The following ASIC2 variants were observed in gnomAD, a reference collection of about 807,000 sequenced individuals.
ASIC2 encodes the protein acid sensing ion channel subunit 2, also known as acid-sensing ion channel 2.
Under a neutral mutation model 57.3 loss-of-function variants are expected in ASIC2, and 25 were observed. The observed-to-expected ratio is 0.44, with a 90% confidence interval of 0.32 to 0.61. The LOEUF (loss-of-function observed/expected upper bound fraction) is 0.61, where lower values mean the gene tolerates loss of function less well. Among genes scored for constraint, ASIC2 ranks in the 20% least tolerant of loss-of-function variants. The pLI is 0.06. For missense variants in ASIC2, 641 were observed against 738.1 expected, an observed-to-expected ratio of 0.87 and a Z score of 1.52; for synonymous variants, 319 against 307.5, an observed-to-expected ratio of 1.04 and a Z score of -0.39.
chr17:33,858,706 T>C (rs1019911129), intron 1 of ASIC2, among the ~76,000 whole-genome samples: 10 of 152,206 alleles, frequency 6.6e-5, no homozygotes, highest in African/African-American at 2.4e-4. Context: ...GCTCTGCACC[T>C]GAGACCTTTG....
rs141509721 is a variant in ASIC2, at chr17:34,138,710, G to GA, written c.555+17267dup. On this transcript the variant is annotated intron_variant, in intron 1 of 9. Coordinates refer to the ASIC2 transcript ENST00000359872. ...CCACCATGGGATATCACGGGATCCA[G>GA]AGGAGTCTAGTTGCCTTGACTACGG... 9.0e-3 allele frequency among the ~76,000 whole-genome samples: 1,371 copies of GA among 152,324 alleles called. 18 individuals carry two copies. Among genetic ancestry groups the GA allele is most frequent in the African/African-American group, 0.032 (1,310 of 41,564 alleles).
intron 9 of ASIC2, 61 bp from the exon 10 acceptor site, chr17:33,014,127 A>C: frequency 7.4e-7 from 1 of 1,350,190 alleles, no homozygotes; most frequent in African/African-American, 1.4e-5. Context: ...TCATGATGCC[A>C]CCAGCGGCCC....
Position 34,156,439 on chromosome 17 carries a change from T to C in ASIC2, c.94A>G (p.Ile32Val). 1 of 1,614,192 alleles carries C rather than the reference T, an allele frequency of 6.2e-7. No homozygotes were observed. Residue 32 changes from isoleucine (I) to valine (V), a missense_variant, in exon 1 of 10, where the codon ATC (isoleucine) becomes GTC (valine). Physicochemically the swap from Ile to Val is conservative, Grantham distance 29. Coordinates refer to the ASIC2 transcript ENST00000359872. This position sits in a 1 kb window ranked among gnomAD's most constrained non-coding sequence, Gnocchi z 4.4. ...ATGGTCAGCGGCCCATACACGAAGA[T>C]GTGGCGGATGCCATGGAGGGTGGAG...
intron 2 of ASIC2, among the ~76,000 whole-genome samples, chr17:33,110,086 C>T (rs971665506): frequency 2.0e-5 from 3 of 152,040 alleles, no homozygotes; most frequent in Non-Finnish European, 4.4e-5. Context: ...TGTGCTTTTG[C>T]TCCTGAATCA....
intron 1 of ASIC2, among the ~76,000 whole-genome samples, chr17:34,127,090 A>G (rs932423871): frequency 6.6e-6 from 1 of 152,254 alleles, no homozygotes; most frequent in African/African-American, 2.4e-5. Context: ...TGCATTTGGC[A>G]GAATCCACAG....
At chr17:33,762,932 T>A (rs1465422583) in intron 1 of ASIC2, among the ~76,000 whole-genome samples, 1 of 152,208 alleles carries the variant, frequency 6.6e-6, no homozygotes, top group Non-Finnish European at 1.5e-5. Flanking sequence ...TTTTCTGTCC[T>A]TCTTGTTGCT....
intron 1 of ASIC2, among the ~76,000 whole-genome samples, chr17:34,043,626 C>T (rs938163186): frequency 5.3e-5 from 8 of 152,236 alleles, no homozygotes; most frequent in Non-Finnish European, 1.0e-4. Flanking sequence ...AGAAAGTAGA[C>T]ATTCAGCAAA....
At chr17:33,484,001 G>A (rs1276005948) in intron 1 of ASIC2, among the ~76,000 whole-genome samples, 2 of 152,130 alleles carry the variant, frequency 1.3e-5, no homozygotes, top group Non-Finnish European at 2.9e-5. Flanking sequence ...TGAGAGACAG[G>A]AGTGATGAGC....
intron 1 of ASIC2, among the ~76,000 whole-genome samples, chr17:34,102,430 T>C (rs75344434): frequency 2.6e-5 from 4 of 152,186 alleles, no homozygotes; most frequent in African/African-American, 2.4e-5. Context: ...AGAACACTCA[T>C]ATCTACAGAA....
intron 1 of ASIC2, among the ~76,000 whole-genome samples, chr17:33,346,127 T>C (rs1021837464): frequency 6.8e-6 from 1 of 147,616 alleles, no homozygotes; most frequent in African/African-American, 2.5e-5. Flanking sequence ...CTTGAGAGGC[T>C]GAGGCACTAG....
chr17:33,059,916 A>G (rs2092013569), intron 3 of ASIC2, among the ~76,000 whole-genome samples: 1 of 152,168 alleles, frequency 6.6e-6, no homozygotes, highest in African/African-American at 2.4e-5. Context: ...GCCAGTGATG[A>G]TGAGCATTTT....
chr17:33,746,555 T>C (rs1391758390), intron 1 of ASIC2, among the ~76,000 whole-genome samples: 1 of 151,734 alleles, frequency 6.6e-6, no homozygotes, highest in South Asian at 2.1e-4. Context: ...ATATACCTAA[T>C]GACAGAGACC....
At chr17:33,532,439 T>G (rs1024294295) in intron 1 of ASIC2, among the ~76,000 whole-genome samples, 19 of 152,216 alleles carry the variant, frequency 1.2e-4, no homozygotes, top group African/African-American at 4.6e-4. Context: ...CTTCCAGGAC[T>G]GGGTTTGATT....
chr17:34,104,875 T>A (rs1191337205), intron 1 of ASIC2, among the ~76,000 whole-genome samples: 1 of 152,056 alleles, frequency 6.6e-6, no homozygotes, highest in African/African-American at 2.4e-5. Flanking sequence ...GATTCTTGCA[T>A]CTATGTTAAT....
chr17:33,121,814 G>C (rs2092303718), intron 1 of ASIC2, among the ~76,000 whole-genome samples: 1 of 152,138 alleles, frequency 6.6e-6, no homozygotes, highest in Non-Finnish European at 1.5e-5. Context: ...TCACAGAGTG[G>C]ATAATTATTA....
At chr17:33,994,662 T>C (rs1193639462) in intron 1 of ASIC2, among the ~76,000 whole-genome samples, 2 of 152,132 alleles carry the variant, frequency 1.3e-5, no homozygotes, top group African/African-American at 4.8e-5. Flanking sequence ...TTTTGCAAAC[T>C]CCCAAACAAG....
At chr17:33,178,636 G>A (rs574241377) in intron 1 of ASIC2, among the ~76,000 whole-genome samples, 2 of 152,312 alleles carry the variant, frequency 1.3e-5, no homozygotes, top group East Asian at 1.9e-4. Context: ...AAAACAGTGT[G>A]CAGTGGGCGT....
chr17:33,497,379 C>T (rs1037171432), intron 1 of ASIC2, among the ~76,000 whole-genome samples: 4 of 152,166 alleles, frequency 2.6e-5, no homozygotes, highest in African/African-American at 9.7e-5. Flanking sequence ...GTAGGGTTCA[C>T]CTTGGGGTAT....
intron 1 of ASIC2, among the ~76,000 whole-genome samples, chr17:34,095,269 G>C (rs982514435): frequency 3.3e-5 from 5 of 152,144 alleles, no homozygotes; most frequent in African/African-American, 1.2e-4. Flanking sequence ...GGATCAGCCT[G>C]GCTCGGACTA....
Sources: allele counts gnomAD v4.1 joint callset (sites outside exome capture counted in the v4.1 genomes callset), GRCh38; gene constraint gnomAD v4.1.1; non-coding constraint Gnocchi (gnomAD v3.1); transcripts MANE v1.5; gene names NCBI Gene and HGNC (gene_info 2026-07-23, HGNC 2026-07-21).